TXLNB: variants seen among roughly 807,000 people sequenced by gnomAD.
TXLNB encodes the protein beta-taxilin.
A neutral mutation model predicts 57.4 loss-of-function variants in TXLNB; 37 were observed. The observed-to-expected ratio is 0.64, with a 90% CI of 0.50 to 0.85. The LOEUF is 0.85. Among genes scored for constraint, TXLNB ranks in the 40% least tolerant of loss-of-function variants. TXLNB has a pLI of 0.00. For synonymous variants in TXLNB, 302 were observed against 309.6 expected (o/e 0.98, Z 0.26); for missense variants, 848 against 825.6 (o/e 1.03, Z -0.33).
the TXLNB span, chr6:139,180,365 C>T: frequency 1.5e-4 from 23 of 152,612 alleles, no homozygotes; most frequent in African/African-American, 5.5e-4. Context: ...ATGCTTAATA[C>T]ACAGTCTGTT....
the TXLNB span, among the ~76,000 whole-genome samples, chr6:139,315,875 G>A: frequency 6.6e-6 from 1 of 152,108 alleles, no homozygotes; most frequent in Non-Finnish European, 1.5e-5. Context: ...TAAAATGGAT[G>A]TTATTTTAGA....
chr6:139,203,935 A>T, the TXLNB span, among the ~76,000 whole-genome samples: 1 of 152,220 alleles, frequency 6.6e-6, no homozygotes, highest in Admixed American at 6.5e-5. Context: ...TTTTAAAAAA[A>T]CATTCCTATT....
intron 2 of TXLNB, 54 bp downstream of exon 2, chr6:139,288,422 C>T: frequency 6.6e-7 from 1 of 1,522,468 alleles, no homozygotes; most frequent in Non-Finnish European, 9.0e-7. Context: ...AAGAAGTGCC[C>T]CTTTTTTAGG....
intron 7 of TXLNB, among the ~76,000 whole-genome samples, chr6:139,249,739 A>G (rs191533120): frequency 1.9e-4 from 29 of 152,350 alleles, no homozygotes; most frequent in Admixed American, 1.7e-3. Context: ...GTAGACAGCA[A>G]TAACATAAAT....
chr6:139,270,312 A>C, intron 4 of TXLNB, 144 bp downstream of exon 4: 1 of 733,050 alleles, frequency 1.4e-6, no homozygotes. Context: ...AAATTATTTA[A>C]GGTTACAAGC....
chr6:139,187,432 T>TG, the TXLNB span, among the ~76,000 whole-genome samples: 89,975 of 151,840 alleles, frequency 0.59, 27,698 homozygotes, highest in African/African-American at 0.64. Flanking sequence ...AATCTTTTGC[T>TG]TTTTTTTCCC....
chr6:139,300,462 T>C, the TXLNB span, among the ~76,000 whole-genome samples: 1 of 152,156 alleles, frequency 6.6e-6, no homozygotes, highest in African/African-American at 2.4e-5. Context: ...CTTTTTTCCC[T>C]CCCTTTCATG....
chr6:139,176,918 C>A, the TXLNB span: 4 of 859,818 alleles, frequency 4.7e-6, no homozygotes, highest in Non-Finnish European at 8.1e-6. The surrounding 1 kb of genome is among the most constrained non-coding windows in gnomAD (Gnocchi z 4.5). Context: ...GGTGTTGTGG[C>A]TGATGGTGTC....
chr6:139,187,556 T>C, the TXLNB span, among the ~76,000 whole-genome samples: 1 of 152,196 alleles, frequency 6.6e-6, no homozygotes, highest in Admixed American at 6.5e-5. Context: ...GTTTGTGCAC[T>C]TTTTTATTAA....
At chr6:139,316,591 T>G in the TXLNB span, among the ~76,000 whole-genome samples, 2 of 152,240 alleles carry the variant, frequency 1.3e-5, no homozygotes, top group African/African-American at 4.8e-5. Context: ...AAACATATGT[T>G]GCTGATCTTG....
At chr6:139,262,462 C>A in intron 5 of TXLNB, 117 bp downstream of exon 5, 1 of 851,672 alleles carries the variant, frequency 1.2e-6, no homozygotes, top group Non-Finnish European at 1.7e-6. Context: ...GAAATCCAAT[C>A]CTAAATATTA....
chr6:139,213,750 AAG>A, the TXLNB span, among the ~76,000 whole-genome samples: 231 of 152,316 alleles, frequency 1.5e-3, no homozygotes, highest in African/African-American at 5.3e-3. Flanking sequence ...TAAAGAAGAA[AAG>A]AGAGAAGAAT....
the TXLNB span, chr6:139,167,195 G>A: frequency 6.2e-7 from 1 of 1,614,196 alleles, no homozygotes; most frequent in Non-Finnish European, 8.5e-7. Context: ...CCACAGAAAC[G>A]TGGTAAACTG....
rs539340394 is a variant in TXLNB, at chr6:139,279,699, T to C, written c.425-2778A>G. Among the ~76,000 whole-genome samples, 216 of 152,216 alleles carry C rather than the reference T, an allele frequency of 1.4e-3. 2 individuals are homozygous for C. Among genetic ancestry groups the C allele is most frequent in the Non-Finnish European group, 5.7e-4 (39 of 68,016 alleles). On this transcript the variant is annotated intron_variant, in intron 2 of 9. Coordinates refer to ENST00000358430, the MANE Select transcript of TXLNB (RefSeq NM_153235.4). ...GAAATAGGGTCATTTGGTGACAGTG[T>C]CAAACAAAAGAGGAAAAACTGACTT...
chr6:139,306,867 C>T, the TXLNB span, among the ~76,000 whole-genome samples: 4 of 152,284 alleles, frequency 2.6e-5, no homozygotes, highest in African/African-American at 4.8e-5. Flanking sequence ...TCTCACCATA[C>T]TTGCAGCCAA....
At chr6:139,165,231 T>A in the TXLNB span, among the ~76,000 whole-genome samples, 1 of 152,344 alleles carries the variant, frequency 6.6e-6, no homozygotes, top group East Asian at 1.9e-4. Context: ...TATACATACA[T>A]GTCCTTTTAT....
the TXLNB span, among the ~76,000 whole-genome samples, chr6:139,216,670 G>T: frequency 6.6e-6 from 1 of 152,078 alleles, no homozygotes; most frequent in Non-Finnish European, 1.5e-5. Context: ...AGACAATATG[G>T]AATACTACTC....
In TXLNB at chr6:139,252,292, C is replaced by T. The variant is rs150695430; in HGVS notation, c.1077+3272G>A. On this transcript the variant is annotated intron_variant, in intron 7 of 9. Coordinates refer to ENST00000358430, the MANE Select transcript of TXLNB (RefSeq NM_153235.4). The stretch of plus-strand genomic sequence containing the variant: ...GCTACTCCCACCCCTTTAAAGGCAG[C>T]GTAAAACCAAAGGAAGTGTTGGAGT... 5.1e-3 allele frequency among the ~76,000 whole-genome samples: 780 copies of T among 152,236 alleles called. 3 individuals carry two copies. Among genetic ancestry groups the T allele is most frequent in the Middle Eastern group, 0.027 (8 of 294 alleles).
chr6:139,204,139 C>T, the TXLNB span, among the ~76,000 whole-genome samples: 22 of 152,208 alleles, frequency 1.4e-4, no homozygotes, highest in East Asian at 3.5e-3. Flanking sequence ...CAACCTCCAC[C>T]TCCCAGGTTC....
Sources: allele counts gnomAD v4.1 joint callset (sites outside exome capture counted in the v4.1 genomes callset), GRCh38; gene constraint gnomAD v4.1.1; non-coding constraint Gnocchi (gnomAD v3.1); transcripts MANE v1.5; gene names NCBI Gene and HGNC (gene_info 2026-07-23, HGNC 2026-07-21).